Variants in CDYL2 observed in about 807,000 individuals in gnomAD.
CDYL2 encodes chromodomain Y-like protein 2.
A neutral mutation model predicts 49.4 loss-of-function variants in CDYL2; 23 were observed. The ratio of observed to expected loss-of-function variants is 0.47; its 90% CI spans 0.34 to 0.66. CDYL2 has a LOEUF of 0.66. Ranked by LOEUF, CDYL2 falls within the 30% of genes least tolerant of loss-of-function variation. The pLI is 0.01. For missense variants in CDYL2, 678 were observed against 656.4 expected, an observed-to-expected ratio of 1.03 and a Z score of -0.36; for synonymous variants, 360 against 268.8, an observed-to-expected ratio of 1.34 and a Z score of -3.32.
At chr16:80,774,632 T>C (rs920378431) in intron 1 of CDYL2, among the ~76,000 whole-genome samples, 6 of 152,110 alleles carry the variant, frequency 3.9e-5, no homozygotes, top group Non-Finnish European at 7.4e-5. Context: ...AATATGTATA[T>C]AGAGATCAAG....
chr16:80,680,305 A>G (rs1005341831), intron 2 of CDYL2, among the ~76,000 whole-genome samples: 1 of 152,228 alleles, frequency 6.6e-6, no homozygotes, highest in Non-Finnish European at 1.5e-5. Context: ...ATGCAAGGAA[A>G]GGATCTTAAA....
intron 2 of CDYL2, among the ~76,000 whole-genome samples, chr16:80,673,538 C>G (rs1289271352): frequency 6.6e-6 from 1 of 152,134 alleles, no homozygotes; most frequent in East Asian, 1.9e-4. Context: ...TCACAATGCA[C>G]AGATGTGCAA....
chr16:80,726,596 C>T (rs1003719501), intron 1 of CDYL2, among the ~76,000 whole-genome samples: 4 of 152,112 alleles, frequency 2.6e-5, no homozygotes, highest in Admixed American at 1.3e-4. Flanking sequence ...TTAGCTTAAA[C>T]ACAAAGAAAG....
chr16:80,743,176 A>C (rs1905808110), intron 1 of CDYL2, among the ~76,000 whole-genome samples: 1 of 152,010 alleles, frequency 6.6e-6, no homozygotes, highest in Non-Finnish European at 1.5e-5. Flanking sequence ...TGGTAGGCAA[A>C]CCTCCAGGTT....
chr16:80,618,776 G>T (rs897564586), intron 4 of CDYL2, among the ~76,000 whole-genome samples: 9 of 152,200 alleles, frequency 5.9e-5, no homozygotes, highest in African/African-American at 1.9e-4. Context: ...TCCAGCAAAG[G>T]TGAAGAGCTG....
chr16:80,714,211 C>T lies in CDYL2; in HGVS notation c.25-29082G>A, dbSNP rs1345181549. On this transcript the variant is annotated intron_variant, in intron 1 of 6. Coordinates refer to ENST00000570137, the MANE Select transcript of CDYL2 (RefSeq NM_152342.4). ...CCTTAGCTTGACCCTTGACACTAAG[C>T]TTCCATCCTGGTATCCCCTAAACTG... 2.0e-5 allele frequency among the ~76,000 whole-genome samples: 3 copies of T among 152,270 alleles called. 1 individual carries two copies. Among genetic ancestry groups the T allele is most frequent in the African/African-American group, 7.2e-5 (3 of 41,548 alleles).
intron 2 of CDYL2, among the ~76,000 whole-genome samples, chr16:80,642,004 G>C (rs1047332366): frequency 6.6e-5 from 10 of 151,950 alleles, no homozygotes; most frequent in Admixed American, 6.6e-4. Flanking sequence ...TGTAACTGTG[G>C]GATGTAAACT....
At chr16:80,615,653 G>C (rs1906795752) in intron 4 of CDYL2, among the ~76,000 whole-genome samples, 1 of 152,058 alleles carries the variant, frequency 6.6e-6, no homozygotes, top group South Asian at 2.1e-4. Flanking sequence ...TGACTTTCCA[G>C]AGCTTTCCTC....
chr16:80,612,773 G>A lies in CDYL2; in HGVS notation c.1071C>T (p.Ala357=). ...GCAGGATGGAGGCACCCAGGCCCAG[G>A]GCCGGCCCATTGATGGCCACCACGA... ...KPIVVAINGP[A]LGLGASILPL... Residue 357 remains alanine (A), a synonymous_variant, in exon 5 of 7, where the codon GCC becomes GCT. Coordinates refer to ENST00000570137, the MANE Select transcript of CDYL2 (RefSeq NM_152342.4). The surrounding 1 kb of genome is among the most constrained non-coding windows in gnomAD (Gnocchi z 5.0). 1.2e-6 allele frequency: 2 copies of A among 1,613,842 alleles called. No homozygotes were observed. Among genetic ancestry groups the A allele is most frequent in the Non-Finnish European group, 1.7e-6 (2 of 1,180,002 alleles).
chr16:80,618,455 A>G (rs1430462153), intron 4 of CDYL2, among the ~76,000 whole-genome samples: 3 of 152,212 alleles, frequency 2.0e-5, no homozygotes, highest in African/African-American at 7.2e-5. Flanking sequence ...GATACATCTA[A>G]GACACAAATG....
intron 1 of CDYL2, among the ~76,000 whole-genome samples, chr16:80,693,110 G>C (rs1480378508): frequency 6.6e-6 from 1 of 151,198 alleles, no homozygotes; most frequent in Admixed American, 6.6e-5. Context: ...AGCCAGATCA[G>C]TGGGGGCTGG....
At chr16:80,787,890 A>T (rs111365654) in intron 1 of CDYL2, among the ~76,000 whole-genome samples, 2 of 152,316 alleles carry the variant, frequency 1.3e-5, no homozygotes, top group African/African-American at 4.8e-5. Context: ...GCATGCAGAC[A>T]TATTTGCTAG....
chr16:80,613,011 G>A (rs987727577), intron 4 of CDYL2, among the ~76,000 whole-genome samples, 175 bp from the exon 5 acceptor site: 8 of 152,226 alleles, frequency 5.3e-5, no homozygotes, highest in African/African-American at 1.9e-4. Flanking sequence ...ATTTTCTGAG[G>A]TATACTGATG....
At chr16:80,688,513 G>C (rs1227536648) in intron 1 of CDYL2, among the ~76,000 whole-genome samples, 3 of 152,164 alleles carry the variant, frequency 2.0e-5, no homozygotes, top group Non-Finnish European at 2.9e-5. Context: ...TGACAAAACT[G>C]CTTTTATATA....
chr16:80,723,785 A>G (rs1905079013), intron 1 of CDYL2, among the ~76,000 whole-genome samples: 2 of 152,154 alleles, frequency 1.3e-5, no homozygotes, highest in Non-Finnish European at 2.9e-5. Context: ...AATTGAAAAT[A>G]TTTACTCTCT....
At position 80,675,378 on chromosome 16, in the gene CDYL2, G is replaced by A. The variant is rs115207523; in HGVS notation, c.616+9160C>T. ...TGTTATGTTGCTATGTTGTTAAACT[G>A]CTCCATCAGAGAACCACTGAGGAAA... On this transcript the variant is annotated intron_variant, in intron 2 of 6. Transcript: ENST00000570137. Among the ~76,000 whole-genome samples, 1,209 of 152,272 alleles carry A rather than the reference G, an allele frequency of 7.9e-3. 32 individuals carry two copies. The highest frequency in any genetic ancestry group is 0.027 in the African/African-American group (1,142 of 41,540).
intron 4 of CDYL2, among the ~76,000 whole-genome samples, chr16:80,614,292 A>G (rs1386458829): frequency 6.6e-6 from 1 of 152,250 alleles, no homozygotes; most frequent in Non-Finnish European, 1.5e-5. Flanking sequence ...CAAGTCACCA[A>G]GTGCTGGCCA....
At chr16:80,679,054 C>A (rs865999201) in intron 2 of CDYL2, among the ~76,000 whole-genome samples, 2 of 137,048 alleles carry the variant, frequency 1.5e-5, no homozygotes, top group African/African-American at 5.6e-5. Flanking sequence ...TAGGTGGGAA[C>A]TGAACAATGA....
rs147560477 is a variant in CDYL2 at position 80,787,821 on chromosome 16, A to G, written c.24+16329T>C. On this transcript the variant is annotated intron_variant, in intron 1 of 6. Transcript: ENST00000570137. ...ATGGTTTTACTTACTTGAACATATTATCTTAATTTTAGTAAAGATTAGTAA... is the reference window on the plus strand; with the variant it reads ...ATGGTTTTACTTACTTGAACATATTGTCTTAATTTTAGTAAAGATTAGTAA... Among the ~76,000 whole-genome samples the G allele has an allele frequency of 2.5e-3, 388 of 152,324 alleles. 2 individuals carry two copies. Among genetic ancestry groups the G allele is most frequent in the African/African-American group, 8.6e-3 (357 of 41,574 alleles).
Sources: allele counts gnomAD v4.1 joint callset (sites outside exome capture counted in the v4.1 genomes callset), GRCh38; gene constraint gnomAD v4.1.1; non-coding constraint Gnocchi (gnomAD v3.1); transcripts MANE v1.5; gene names NCBI Gene and HGNC (gene_info 2026-07-23, HGNC 2026-07-21).